The following FAM53A variants were observed in gnomAD, a reference collection of about 807,000 sequenced individuals.
FAM53A encodes family with sequence similarity 53 member A.
In FAM53A, 28 loss-of-function variants were observed where a neutral mutation model predicts 26.6. The ratio of observed to expected loss-of-function variants is 1.05; its 90% CI spans 0.78 to 1.45. FAM53A has a LOEUF of 1.45. FAM53A is among the 40% of genes most tolerant of loss of function. FAM53A has a pLI of 0.00. For synonymous variants in FAM53A, 290 were observed against 253.1 expected (o/e 1.15, Z -1.38); for missense variants, 650 against 575.8 (o/e 1.13, Z -1.32).
chr4:1,640,543 C>T lies in FAM53A; in HGVS notation c.*750G>A. On this transcript the variant is annotated 3_prime_UTR_variant, in exon 5 of 5. Coordinates refer to ENST00000308132, the MANE Select transcript of FAM53A (RefSeq NM_001174070.3). ...GAAGCTTTCTCCCGAACTGCAAAAG[C>T]CATAAAAATGCAAAATGCTTCTTTA... The T allele has an allele frequency of 3.0e-6, 1 of 327,874 alleles. No homozygotes were observed. The highest frequency in any genetic ancestry group is 2.4e-5 in the South Asian group (1 of 41,490). 20.3% of individuals were successfully genotyped at this position (327,874 alleles called of 1,614,324 possible).
At chr4:1,639,660 G>A (rs1393218294), downstream of FAM53A, among the ~76,000 whole-genome samples, 1 of 152,108 alleles carries the variant, frequency 6.6e-6, no homozygotes, top group Non-Finnish European at 1.5e-5. Flanking sequence ...GCCATCCCCC[G>A]TCTTGCAGGG....
At chr4:1,637,539 C>T (rs1047518889), downstream of FAM53A, among the ~76,000 whole-genome samples, 19 of 152,122 alleles carry the variant, frequency 1.2e-4, no homozygotes, top group Non-Finnish European at 2.2e-4. Context: ...TGCCCCACCT[C>T]GCCTCAGCCT....
the FAM53A span, among the ~76,000 whole-genome samples, chr4:1,588,099 C>T: frequency 3.3e-5 from 5 of 152,304 alleles, no homozygotes; most frequent in South Asian, 2.1e-4. Context: ...CAGCCATCGG[C>T]GGCTGTGATG....
intron 3 of FAM53A, among the ~76,000 whole-genome samples, chr4:1,656,775 G>C (rs1312602438): frequency 6.6e-6 from 1 of 152,174 alleles, no homozygotes; most frequent in African/African-American, 2.4e-5. Flanking sequence ...CGCTCAGCAA[G>C]GTGAGCCTCC....
chr4:1,678,428 C>T (rs779383988), intron 1 of FAM53A, among the ~76,000 whole-genome samples: 7 of 152,160 alleles, frequency 4.6e-5, no homozygotes, highest in Non-Finnish European at 8.8e-5. Flanking sequence ...GATATAGAAC[C>T]ACACAGTCAC....
rs1010251428 is a variant in FAM53A at position 1,679,572 on chromosome 4, G to C, written c.-165+4661C>G. ...GTGGTGGCACGCACCTGTAATCCCAGCTACTCGGGAGGCTGAGGCAGGAGA... is the reference window on the plus strand; with the variant it reads ...GTGGTGGCACGCACCTGTAATCCCACCTACTCGGGAGGCTGAGGCAGGAGA... On this transcript the variant is annotated intron_variant, in intron 1 of 4. Coordinates refer to ENST00000308132, the MANE Select transcript of FAM53A (RefSeq NM_001174070.3). Among the ~76,000 whole-genome samples, 49 of 150,526 alleles carry C rather than the reference G, an allele frequency of 3.3e-4. 1 individual carries two copies. The highest frequency in any genetic ancestry group is 3.5e-3 in the Middle Eastern group (1 of 282).
chr4:1,617,656 T>C (rs1177586791), downstream of FAM53A, among the ~76,000 whole-genome samples: 2 of 152,222 alleles, frequency 1.3e-5, no homozygotes, highest in African/African-American at 2.4e-5. Context: ...TTTCACTGTT[T>C]CCATTTCTGT....
chr4:1,646,291 G>A (rs569516452), intron 4 of FAM53A, among the ~76,000 whole-genome samples: 1 of 152,112 alleles, frequency 6.6e-6, no homozygotes, highest in Non-Finnish European at 1.5e-5. Flanking sequence ...AGTAGAGACA[G>A]GGTTTCACTG....
At chr4:1,682,238 G>A (rs1328350460) in intron 1 of FAM53A, among the ~76,000 whole-genome samples, 1 of 150,588 alleles carries the variant, frequency 6.6e-6, no homozygotes, top group Non-Finnish European at 1.5e-5. Flanking sequence ...AATGCCAAAA[G>A]AGTTTATATA....
intron 1 of FAM53A, among the ~76,000 whole-genome samples, chr4:1,629,268 G>T (rs1421859814): frequency 6.6e-6 from 1 of 152,158 alleles, no homozygotes; most frequent in Non-Finnish European, 1.5e-5. Flanking sequence ...CACAGAGGGA[G>T]GCCGAGGCTG....
the FAM53A span, among the ~76,000 whole-genome samples, chr4:1,575,563 CAG>C: frequency 1.3e-5 from 2 of 152,092 alleles, no homozygotes; most frequent in Admixed American, 6.5e-5. Context: ...GGCAGGAAGA[CAG>C]AGAGGCAGGA....
intron 4 of FAM53A, among the ~76,000 whole-genome samples, chr4:1,642,509 C>T (rs1164841323): frequency 1.3e-5 from 2 of 152,144 alleles, no homozygotes; most frequent in Non-Finnish European, 2.9e-5. Flanking sequence ...CCAGGCTGCA[C>T]CCCCCAACCA....
intron 4 of FAM53A, 83 bp from the exon 5 acceptor site, chr4:1,641,690 G>C: frequency 1.4e-6 from 2 of 1,418,800 alleles, no homozygotes; most frequent in Non-Finnish European, 2.0e-6. Flanking sequence ...CGAGGGCTCG[G>C]TGTGCTGGGG....
chr4:1,651,055 A>G (rs1057236503), intron 4 of FAM53A, among the ~76,000 whole-genome samples: 13 of 150,034 alleles, frequency 8.7e-5, no homozygotes, highest in African/African-American at 2.9e-4. Context: ...CGTCTGTACT[A>G]AAAATACAAA....
chr4:1,594,314 A>T, the FAM53A span, among the ~76,000 whole-genome samples: 1 of 152,180 alleles, frequency 6.6e-6, no homozygotes, highest in Non-Finnish European at 1.5e-5. Flanking sequence ...GGAGGGACCC[A>T]GCACCTGCCC....
the FAM53A span, among the ~76,000 whole-genome samples, chr4:1,598,567 G>A: frequency 1.3e-5 from 2 of 152,204 alleles, no homozygotes; most frequent in African/African-American, 4.8e-5. Context: ...CGATTTTTAA[G>A]CGTGAAGAAT....
the FAM53A span, among the ~76,000 whole-genome samples, chr4:1,612,151 G>A: frequency 9.9e-5 from 15 of 152,228 alleles, no homozygotes; most frequent in Non-Finnish European, 1.8e-4. Context: ...AAACCCTGCC[G>A]TTTATGATTG....
the FAM53A span, among the ~76,000 whole-genome samples, chr4:1,578,985 C>T: frequency 5.3e-5 from 8 of 151,042 alleles, no homozygotes; most frequent in Non-Finnish European, 1.2e-4. Flanking sequence ...GGGCGCGGCC[C>T]GGCTGCGACA....
intron 4 of FAM53A, 82 bp from the exon 5 acceptor site, chr4:1,641,689 G>C (rs967800859): frequency 1.2e-5 from 17 of 1,416,954 alleles, no homozygotes; most frequent in Middle Eastern, 1.7e-4. Context: ...TCGAGGGCTC[G>C]GTGTGCTGGG....
Sources: allele counts gnomAD v4.1 joint callset (sites outside exome capture counted in the v4.1 genomes callset), GRCh38; gene constraint gnomAD v4.1.1; transcripts MANE v1.5; gene names NCBI Gene and HGNC (gene_info 2026-07-23, HGNC 2026-07-21).